Variants in TBX3 observed in about 807,000 individuals in gnomAD.
TBX3 encodes T-box transcription factor TBX3.
Under a neutral mutation model 47.8 loss-of-function variants are expected in TBX3, and 11 were observed. That is an observed-to-expected ratio of 0.23 (90% confidence interval 0.14 to 0.38). TBX3 has a LOEUF of 0.38. Ranked by LOEUF, TBX3 falls within the 10% of genes least tolerant of loss-of-function variation. The probability of loss-of-function intolerance (pLI) is 1.00; values close to 1 mark genes in which losing one functional copy is unlikely to be tolerated. For missense variants in TBX3, 927 were observed against 1,022.8 expected (o/e 0.91, Z 1.28); for synonymous variants, 500 against 449.3 (o/e 1.11, Z -1.43).
In TBX3 at chr12:114,672,049, G is replaced by C. The variant is rs1184573194; in HGVS notation, c.1964C>G (p.Ala655Gly). ...CGAGGCCGGGCTGGCGGCCAGGGCGGCGACTTTGCCGTCCAGGGGCCCCGC... is the reference window on the plus strand; with the variant it reads ...CGAGGCCGGGCTGGCGGCCAGGGCGCCGACTTTGCCGTCCAGGGGCCCCGC... The part of the protein sequence containing the change: ...AAAGPLDGKV[A>G]ALAASPASVA... The change falls in exon 7 of 7, where the codon GCC becomes GGC. Residue 655 changes from alanine (A) to glycine (G), a missense_variant. Physicochemically the swap from Ala to Gly is moderately conservative, Grantham distance 60. Transcript: ENST00000349155. The C allele has an allele frequency of 6.3e-7, 1 of 1,577,750 alleles. No homozygotes were observed. Among genetic ancestry groups the C allele is most frequent in the South Asian group, 1.2e-5 (1 of 86,368 alleles).
chr12:114,684,003 T>A lies in TBX3; in HGVS notation c.-803A>T, dbSNP rs1462643307. The A allele has an allele frequency of 4.4e-6, 1 of 228,854 alleles. No individual in the cohort carries two copies. The highest frequency in any genetic ancestry group is 8.7e-6 in the Non-Finnish European group (1 of 115,606). 14.2% of individuals were successfully genotyped at this position (228,854 alleles called of 1,614,324 possible). A position where few individuals can be genotyped will look rare whatever the true frequency, so the allele number is the denominator to read the frequency against. On this transcript the variant is annotated 5_prime_UTR_variant, in exon 1 of 7. Coordinates refer to ENST00000349155, the MANE Select transcript of TBX3 (RefSeq NM_005996.4). ...TGAGCGAATTCGCTTCCTAAATCTG[T>A]GTCCAGGCGCGCAGGGCAGGGAGGA...
At chr12:114,672,337 C>T (rs763565421) in intron 6 of TBX3, 35 bp from the exon 7 acceptor site, 161 of 1,493,682 alleles carry the variant, frequency 1.1e-4, no homozygotes, top group Non-Finnish European at 5.3e-5. Flanking sequence ...GCGAGTCAGC[C>T]GGGTGGGAGG....
chr12:114,684,119 A>G lies in TBX3; in HGVS notation c.-919T>C, dbSNP rs1869095210. The G allele has an allele frequency of 4.3e-6, 1 of 231,920 alleles. No homozygotes were observed. Among genetic ancestry groups the G allele is most frequent in the Admixed American group, 5.6e-5 (1 of 17,700 alleles). 14.4% of individuals were successfully genotyped at this position (231,920 alleles called of 1,614,324 possible). On this transcript the variant is annotated 5_prime_UTR_variant, in exon 1 of 7. Transcript: ENST00000349155. ...GACGGAGTCGGAGAGGGAGGGAGCGAGAGAAAGCGAGAGCTCCTCGCCACC... is the reference window on the plus strand; with the variant it reads ...GACGGAGTCGGAGAGGGAGGGAGCGGGAGAAAGCGAGAGCTCCTCGCCACC...
intron 6 of TBX3, among the ~76,000 whole-genome samples, chr12:114,673,125 C>A (rs1324339246): frequency 6.6e-6 from 1 of 152,206 alleles, no homozygotes. Context: ...TTCAGGTAGT[C>A]CTTGGTGTAC....
Position 114,674,816 on chromosome 12 carries a change from A to G in TBX3, c.1059T>C (p.Gly353=), listed in dbSNP as rs1592848321. ...SNLKDLCPSE[G]ESDAEAESKE... is the part of the protein sequence containing the mutation. The stretch of plus-strand genomic sequence containing the variant: ...TGCTCTCGGCCTCGGCGTCGCTCTC[A>G]CCCTCGCTGGGACATAAATCTACCA... The change falls in exon 6 of 7, where the codon GGT becomes GGC. Residue 353 remains glycine (G), a synonymous_variant. Transcript: ENST00000349155. 1 of 1,573,538 alleles carries G rather than the reference A, an allele frequency of 6.4e-7. No homozygotes were observed.
Position 114,683,712 on chromosome 12 carries a change from T to C in TBX3, c.-512A>G, listed in dbSNP as rs568735654. On this transcript the variant is annotated 5_prime_UTR_variant, in exon 1 of 7. Transcript: ENST00000349155. This position sits in a 1 kb window ranked among gnomAD's most constrained non-coding sequence, Gnocchi z 7.7. ...CCCCTATCTGTCTTCCTCTCCCTCTTTCTCGCTGGTGGCGTCTGCAGCTGT... is the reference window on the plus strand; with the variant it reads ...CCCCTATCTGTCTTCCTCTCCCTCTCTCTCGCTGGTGGCGTCTGCAGCTGT... The C allele has an allele frequency of 8.7e-6, 2 of 230,886 alleles. No individual in the cohort carries two copies. The highest frequency in any genetic ancestry group is 5.6e-5 in the Admixed American group (1 of 17,754). 14.3% of individuals were successfully genotyped at this position (230,886 alleles called of 1,614,324 possible). A position where few individuals can be genotyped will look rare whatever the true frequency, so the allele number is the denominator to read the frequency against.
chr12:114,677,480 C>G (rs1868759511), intron 4 of TBX3, 100 bp downstream of exon 4: 14 of 1,170,262 alleles, frequency 1.2e-5, no homozygotes, highest in Non-Finnish European at 1.8e-5. Context: ...TCCACCCGCT[C>G]TTAGGATAAG....
intron 6 of TBX3, among the ~76,000 whole-genome samples, 153 bp downstream of exon 6, chr12:114,674,012 A>G (rs1868573536): frequency 6.6e-6 from 1 of 152,152 alleles, no homozygotes; most frequent in East Asian, 1.9e-4. Context: ...AGTCATAATA[A>G]CTCCATGAGC....
rs1173326134 is a variant in TBX3 at position 114,683,427 on chromosome 12, A to C, written c.-227T>G. Reference sequence around the variant, plus strand: ...TGGGAGGCCGCTTTTAAAGAGGGCAAGGCGAAAAATCAGCAAACATAGTCG... The same window carrying C: ...TGGGAGGCCGCTTTTAAAGAGGGCACGGCGAAAAATCAGCAAACATAGTCG... On this transcript the variant is annotated 5_prime_UTR_variant, in exon 1 of 7. Coordinates refer to ENST00000349155, the MANE Select transcript of TBX3 (RefSeq NM_005996.4). This position sits in a 1 kb window ranked among gnomAD's most constrained non-coding sequence, Gnocchi z 7.7. 7 of 604,082 alleles carry C rather than the reference A, an allele frequency of 1.2e-5. No individual in the cohort carries two copies. The highest frequency in any genetic ancestry group is 1.9e-5 in the African/African-American group (1 of 53,650). 37.4% of individuals were successfully genotyped at this position (604,082 alleles called of 1,614,324 possible).
At chr12:114,676,687 T>C (rs760502866) in intron 4 of TBX3, among the ~76,000 whole-genome samples, 1 of 152,062 alleles carries the variant, frequency 6.6e-6, no homozygotes, top group Non-Finnish European at 1.5e-5. Context: ...GGCAGAGGGT[T>C]AGGGAGAAAG....
rs34428684 is a variant in TBX3, at chr12:114,682,517, C to CT, written c.389+294dup. 0.036 allele frequency among the ~76,000 whole-genome samples: 5,243 copies of CT among 145,412 alleles called. 108 individuals are homozygous for CT. Among genetic ancestry groups the CT allele is most frequent in the African/African-American group, 0.07 (2,791 of 39,978 alleles). Reference sequence around the variant, plus strand: ...GAGTGAGTTTCTTGCAGTAGAGTGCCTTTTTTTTTTTTCTTTCCTGCTCCC... The same window carrying CT: ...GAGTGAGTTTCTTGCAGTAGAGTGCCTTTTTTTTTTTTTCTTTCCTGCTCCC... On this transcript the variant is annotated intron_variant, in intron 1 of 6. Transcript: ENST00000349155.
chr12:114,682,685 C>T (rs966129162), intron 1 of TBX3, 127 bp downstream of exon 1: 1 of 1,449,086 alleles, frequency 6.9e-7, no homozygotes, highest in Non-Finnish European at 9.5e-7. Context: ...TCTGTGCATA[C>T]ATTTCTAGGG....
At chr12:114,680,656 G>C (rs1421074702) in intron 2 of TBX3, 2 of 668,390 alleles carry the variant, frequency 3.0e-6, no homozygotes, top group Non-Finnish European at 5.2e-6. Flanking sequence ...AATTGCTATA[G>C]AACACAAGCC....
At chr12:114,679,842 T>C (rs1026782527) in intron 2 of TBX3, 191 bp from the exon 3 acceptor site, 31 of 1,577,100 alleles carry the variant, frequency 2.0e-5, no homozygotes, top group Non-Finnish European at 2.6e-5. Flanking sequence ...TCCAAATTGC[T>C]CCTCAGTTGC....
intron 3 of TBX3, among the ~76,000 whole-genome samples, chr12:114,678,744 G>C (rs1206671752): frequency 1.3e-5 from 2 of 152,168 alleles, no homozygotes; most frequent in African/African-American, 4.8e-5. Flanking sequence ...CTGGGAACTG[G>C]TGAATCAGCA....
In TBX3 at chr12:114,674,758, C is replaced by A; in HGVS notation, c.1117G>T (p.Ala373Ser). ...EEHGPEACDA[A>S]KISTTTSEEP... ...TCCGACGTGGTGGTGGAGATCTTGG[C>A]CGCGTCGCAGGCCTCGGGGCCATGC... is the stretch of plus-strand genomic sequence containing the variant. The change falls in exon 6 of 7, where the codon GCC becomes TCC. Residue 373 changes from alanine to serine, a missense_variant. Physicochemically the swap from Ala to Ser is moderately conservative, Grantham distance 99. Transcript: ENST00000349155. The A allele has an allele frequency of 6.3e-7, 1 of 1,590,832 alleles. No homozygotes were observed. The highest frequency in any genetic ancestry group is 8.5e-7 in the Non-Finnish European group (1 of 1,173,456).
chr12:114,683,517 C>G lies in TBX3; in HGVS notation c.-317G>C, dbSNP rs909341593. 2.7e-6 allele frequency: 1 copy of G among 372,862 alleles called. No individual in the cohort carries two copies. The highest frequency in any genetic ancestry group is 4.4e-5 in the East Asian group (1 of 22,842). The allele number at this position is 372,862 out of a possible 1,614,324, so 23.1% of individuals were successfully genotyped here. ...CGCTCCTGAACGTCGGTTTCAGAAGCGAGAGGAGCGAGCAGGGTCTCGACT... is the reference window on the plus strand; with the variant it reads ...CGCTCCTGAACGTCGGTTTCAGAAGGGAGAGGAGCGAGCAGGGTCTCGACT... On this transcript the variant is annotated 5_prime_UTR_variant, in exon 1 of 7. Transcript: ENST00000349155. This position sits in a 1 kb window ranked among gnomAD's most constrained non-coding sequence, Gnocchi z 7.7.
chr12:114,672,319 GACAC>G lies in TBX3; in HGVS notation c.1711-21_1711-18del. On this transcript the variant is annotated intron_variant, in intron 6 of 6. Coordinates refer to ENST00000349155, the MANE Select transcript of TBX3 (RefSeq NM_005996.4). Reference sequence around the variant, plus strand: ...GGCCAGGCCCTGGGGTGAGAAAAGAGACACACAGCGAGTCAGCCGGGTGGGAGGA... The same window carrying G: ...GGCCAGGCCCTGGGGTGAGAAAAGAGACAGCGAGTCAGCCGGGTGGGAGGA... The G allele has an allele frequency of 1.3e-6, 2 of 1,519,434 alleles. No individual in the cohort carries two copies. The allele number at this position is 1,519,434 out of a possible 1,614,324, so 94.1% of individuals were successfully genotyped here. A position where few individuals can be genotyped will look rare whatever the true frequency, so the allele number is the denominator to read the frequency against.
At chr12:114,677,295 A>G (rs1868753196) in intron 4 of TBX3, among the ~76,000 whole-genome samples, 1 of 152,250 alleles carries the variant, frequency 6.6e-6, no homozygotes, top group South Asian at 2.1e-4. Flanking sequence ...ATGAACTTAA[A>G]TTAATTAGGA....
Sources: allele counts gnomAD v4.1 joint callset (sites outside exome capture counted in the v4.1 genomes callset), GRCh38; gene constraint gnomAD v4.1.1; non-coding constraint Gnocchi (gnomAD v3.1); transcripts MANE v1.5; gene names NCBI Gene and HGNC (gene_info 2026-07-23, HGNC 2026-07-21).